The following LINGO2 variants were observed in gnomAD, a reference collection of about 807,000 sequenced individuals.
The protein encoded by LINGO2 is leucine rich repeat and Ig domain containing 2, also known as leucine-rich repeat and immunoglobulin-like domain-containing nogo receptor-interacting protein 2.
In LINGO2, 14 loss-of-function variants were observed where a neutral mutation model predicts 30.6. That is an observed-to-expected ratio of 0.46 (90% CI 0.30 to 0.72). LINGO2 has a LOEUF of 0.72. LINGO2 is among the 30% of genes least tolerant of loss of function. The pLI is 0.07. For missense variants in LINGO2, 729 were observed against 751.7 expected, an observed-to-expected ratio of 0.97 and a Z score of 0.35; for synonymous variants, 317 against 288.5, an observed-to-expected ratio of 1.10 and a Z score of -1.00.
chr9:28,737,833 AAC>A, the LINGO2 span, among the ~76,000 whole-genome samples: 1 of 151,990 alleles, frequency 6.6e-6, no homozygotes, highest in African/African-American at 2.4e-5. Flanking sequence ...CACACACACA[AAC>A]ACACACACAT....
At chr9:28,029,717 C>G (rs996627359) in intron 4 of LINGO2, among the ~76,000 whole-genome samples, 1 of 152,096 alleles carries the variant, frequency 6.6e-6, no homozygotes, top group African/African-American at 2.4e-5. Context: ...ATTGTTAGCT[C>G]TTTTAGAAAT....
chr9:28,733,492 T>C, the LINGO2 span, among the ~76,000 whole-genome samples: 1 of 152,154 alleles, frequency 6.6e-6, no homozygotes, highest in Non-Finnish European at 1.5e-5. Context: ...CTCCAGTCCC[T>C]AGTCATCCTT....
the LINGO2 span, among the ~76,000 whole-genome samples, chr9:28,780,755 A>G: frequency 4.6e-5 from 7 of 151,984 alleles, no homozygotes; most frequent in African/African-American, 9.7e-5. Flanking sequence ...CATTTCACCA[A>G]TAATAATGCA....
intron 1 of LINGO2, among the ~76,000 whole-genome samples, chr9:28,550,186 A>G (rs540901897): frequency 6.6e-6 from 1 of 152,040 alleles, no homozygotes; most frequent in African/African-American, 2.4e-5. Context: ...AAGCATCAAT[A>G]TGCACAGTTC....
intron 1 of LINGO2, among the ~76,000 whole-genome samples, chr9:28,575,737 A>T (rs1341713916): frequency 6.6e-6 from 1 of 152,162 alleles, no homozygotes; most frequent in African/African-American, 2.4e-5. Context: ...AAGAATACAA[A>T]TACGTCTTAT....
chr9:28,079,687 T>A (rs1027294922), intron 4 of LINGO2, among the ~76,000 whole-genome samples: 1 of 152,176 alleles, frequency 6.6e-6, no homozygotes, highest in East Asian at 1.9e-4. Flanking sequence ...TCCTTATAAG[T>A]CTATAAATAC....
the LINGO2 span, among the ~76,000 whole-genome samples, chr9:28,824,831 C>A: frequency 6.6e-6 from 1 of 152,156 alleles, no homozygotes; most frequent in Non-Finnish European, 1.5e-5. Context: ...AAGAAAGGAT[C>A]TAAAGTCACA....
intron 5 of LINGO2, among the ~76,000 whole-genome samples, chr9:28,001,629 G>C (rs1310448121): frequency 3.9e-5 from 6 of 152,056 alleles, no homozygotes; most frequent in Non-Finnish European, 5.9e-5. Context: ...CAGAGGCATT[G>C]TTCCGGGGAA....
At chr9:28,237,276 A>T (rs775058963) in intron 4 of LINGO2, among the ~76,000 whole-genome samples, 2 of 152,146 alleles carry the variant, frequency 1.3e-5, no homozygotes, top group Non-Finnish European at 2.9e-5. Flanking sequence ...GAAAAAGCAT[A>T]CAATAGATAT....
the LINGO2 span, among the ~76,000 whole-genome samples, chr9:28,711,262 C>G: frequency 6.6e-6 from 1 of 152,014 alleles, no homozygotes; most frequent in Non-Finnish European, 1.5e-5. Flanking sequence ...TATTTTAGGG[C>G]TAACCCTACG....
At chr9:28,641,066 C>T (rs1282434276) in intron 1 of LINGO2, among the ~76,000 whole-genome samples, 1 of 152,064 alleles carries the variant, frequency 6.6e-6, no homozygotes, top group Non-Finnish European at 1.5e-5. Context: ...CGGAGTCTCA[C>T]TCTGTCGCCC....
At chr9:28,076,576 C>A (rs1825629674) in intron 4 of LINGO2, among the ~76,000 whole-genome samples, 1 of 151,808 alleles carries the variant, frequency 6.6e-6, no homozygotes, top group African/African-American at 2.4e-5. Context: ...TTTTTGATCA[C>A]ATTCCTTTCT....
chr9:28,631,587 A>C (rs1205581955), intron 1 of LINGO2, among the ~76,000 whole-genome samples: 1 of 152,024 alleles, frequency 6.6e-6, no homozygotes, highest in African/African-American at 2.4e-5. Context: ...TTTTCTTGGG[A>C]AATAAGGGTC....
intron 1 of LINGO2, among the ~76,000 whole-genome samples, chr9:28,570,489 T>TG (rs931452285): frequency 2.6e-5 from 4 of 151,842 alleles, no homozygotes; most frequent in African/African-American, 9.7e-5. Context: ...AAATTTTACT[T>TG]GGGGGAAATT....
At chr9:28,183,345 A>G (rs943194171) in intron 4 of LINGO2, among the ~76,000 whole-genome samples, 5 of 152,136 alleles carry the variant, frequency 3.3e-5, no homozygotes, top group Non-Finnish European at 7.4e-5. Context: ...GGTCAGGTCA[A>G]TAGGTGCAGC....
At chr9:28,466,646 C>A (rs117056498) in intron 2 of LINGO2, among the ~76,000 whole-genome samples, 3 of 151,930 alleles carry the variant, frequency 2.0e-5, no homozygotes, top group Non-Finnish European at 1.5e-5. Flanking sequence ...GTGATAGATA[C>A]CCCATTTACT....
chr9:28,936,694 G>C, the LINGO2 span, among the ~76,000 whole-genome samples: 2 of 152,150 alleles, frequency 1.3e-5, no homozygotes, highest in Non-Finnish European at 2.9e-5. Context: ...ATGAAATAAT[G>C]TACATATAGG....
intron 1 of LINGO2, among the ~76,000 whole-genome samples, chr9:28,603,544 A>G (rs1825578475): frequency 6.6e-6 from 1 of 152,072 alleles, no homozygotes; most frequent in Non-Finnish European, 1.5e-5. Flanking sequence ...GGAAATATAT[A>G]TTAGCATGTC....
At chr9:28,427,772 AG>A in intron 2 of LINGO2, among the ~76,000 whole-genome samples, 1 of 152,068 alleles carries the variant, frequency 6.6e-6, no homozygotes, top group East Asian at 1.9e-4. Context: ...CAGGTGAAAA[AG>A]CTGTGCCAGG....
Sources: gnomAD v4.1 joint callset for allele counts (sites outside exome capture counted in the v4.1 genomes callset) on GRCh38, gnomAD v4.1.1 for gene constraint, MANE v1.5 for transcripts, NCBI Gene and HGNC (gene_info 2026-07-23, HGNC 2026-07-21) for gene names.